The following DAPK1 variants were observed in gnomAD, a reference collection of about 807,000 sequenced individuals.
The protein encoded by DAPK1 is death-associated protein kinase 1.
A neutral mutation model predicts 144.9 loss-of-function variants in DAPK1; 56 were observed. The ratio of observed to expected loss-of-function variants is 0.39; its 90% CI spans 0.31 to 0.48. The LOEUF is 0.48. DAPK1 is among the 20% of genes least tolerant of loss of function. The pLI, the probability that DAPK1 is intolerant of heterozygous loss-of-function variation, is 0.95. For synonymous variants in DAPK1, 690 were observed against 749.0 expected (o/e 0.92, Z 1.29); for missense variants, 1,454 against 1,875.4 (o/e 0.78, Z 4.15).
chr9:87,602,914 C>T (rs1033956619), intron 2 of DAPK1, among the ~76,000 whole-genome samples: 4 of 148,072 alleles, frequency 2.7e-5, no homozygotes, highest in Non-Finnish European at 5.9e-5. Flanking sequence ...CTTTCTCTGT[C>T]TCTCTGTTTC....
In DAPK1 at chr9:87,525,237, G is replaced by T. The variant is rs181597182; in HGVS notation, c.62+26098G>T. The T allele has an allele frequency of 4.3e-5, 51 of 1,172,850 alleles. No homozygotes were observed. In the African/African-American group the frequency reaches 6.6e-4, roughly 15 times the overall value. The allele number at this position is 1,172,850 out of a possible 1,614,324, so 72.7% of individuals were successfully genotyped here. ...TGTTTTTCACCCTACCCAATGCAGT[G>T]CTTACCTAAAAAATGCGTTGAATAG... On this transcript the variant is annotated intron_variant, in intron 2 of 25. Transcript: ENST00000408954.
At chr9:87,626,129 G>A (rs1301533029) in intron 3 of DAPK1, among the ~76,000 whole-genome samples, 1 of 152,164 alleles carries the variant, frequency 6.6e-6, no homozygotes, top group Non-Finnish European at 1.5e-5. Flanking sequence ...ATAATACCAA[G>A]CAAGGGCCAT....
At chr9:87,600,797 ATCG>A (rs1383495109) in intron 2 of DAPK1, among the ~76,000 whole-genome samples, 4 of 151,772 alleles carry the variant, frequency 2.6e-5, no homozygotes, top group African/African-American at 9.7e-5. Flanking sequence ...AGCCATCCGT[ATCG>A]TTGTTAATTA....
intron 2 of DAPK1, among the ~76,000 whole-genome samples, chr9:87,537,747 A>G (rs1017220613): frequency 1.3e-5 from 2 of 152,208 alleles, no homozygotes; most frequent in African/African-American, 4.8e-5. Context: ...TTCTGGAAGC[A>G]GCAGATGGTG....
intron 21 of DAPK1, among the ~76,000 whole-genome samples, chr9:87,693,967 G>C (rs942734798): frequency 6.6e-6 from 1 of 152,136 alleles, no homozygotes; most frequent in African/African-American, 2.4e-5. Context: ...GTGGTGGGCT[G>C]AGCATGCCTG....
At chr9:87,634,514 G>A (rs1374195299) in intron 3 of DAPK1, among the ~76,000 whole-genome samples, 6 of 152,172 alleles carry the variant, frequency 3.9e-5, no homozygotes, top group Admixed American at 2.0e-4. Flanking sequence ...GCCACAGCAG[G>A]GCTGGCAAAA....
rs144215527 is a variant in DAPK1, at chr9:87,610,689, G to T, written c.284+5514G>T. Among the ~76,000 whole-genome samples the T allele has an allele frequency of 2.1e-3, 322 of 152,340 alleles. 3 individuals are homozygous for T. The highest frequency in any genetic ancestry group is 0.014 in the Middle Eastern group (4 of 294). On this transcript the variant is annotated intron_variant, in intron 3 of 25. Transcript: ENST00000408954. ...GATGGTTGGCCTCCATGAAGCCTCA[G>T]TGTCAGGGATGCACCAGCCGTGGAG...
intron 3 of DAPK1, among the ~76,000 whole-genome samples, chr9:87,636,812 G>A (rs926591450): frequency 1.3e-5 from 2 of 152,200 alleles, no homozygotes; most frequent in African/African-American, 4.8e-5. Context: ...GGTTAAACTT[G>A]ATAAAGATTA....
At chr9:87,569,355 G>C (rs34006274) in intron 2 of DAPK1, among the ~76,000 whole-genome samples, 1 of 152,088 alleles carries the variant, frequency 6.6e-6, no homozygotes. Context: ...CAGAGTTCAC[G>C]GGGGAGCCCA....
In DAPK1 at chr9:87,707,588, T is replaced by A. The variant is rs1466623350; in HGVS notation, c.*224T>A. The A allele has an allele frequency of 1.9e-5, 11 of 574,548 alleles. No individual in the cohort carries two copies. The East Asian group carries it at 3.2e-4, about 17-fold the overall frequency. 35.6% of individuals were successfully genotyped at this position (574,548 alleles called of 1,614,324 possible). A position where few individuals can be genotyped will look rare whatever the true frequency, so the allele number is the denominator to read the frequency against. ...TTGCAGTTTAAGAGCAGAACAGATC[T>A]TTTACTTTGGCCGCTTGAAAAGCTA... On this transcript the variant is annotated 3_prime_UTR_variant, in exon 26 of 26. Transcript: ENST00000408954. This position sits in a 1 kb window ranked among gnomAD's most constrained non-coding sequence, Gnocchi z 4.0.
At chr9:87,619,025 T>C (rs968705177) in intron 3 of DAPK1, among the ~76,000 whole-genome samples, 2 of 152,078 alleles carry the variant, frequency 1.3e-5, no homozygotes, top group African/African-American at 4.8e-5. Flanking sequence ...CCCCTCCCCA[T>C]ATTCATCCAT....
chr9:87,604,343 A>G (rs7859807), intron 2 of DAPK1, among the ~76,000 whole-genome samples: 82,953 of 151,992 alleles, frequency 0.55, 25,452 homozygotes, highest in African/African-American at 0.83. Flanking sequence ...GGCTTCCCCA[A>G]AACCACAAAG....
chr9:87,663,345 C>T (rs1006380472), intron 18 of DAPK1, among the ~76,000 whole-genome samples: 1 of 152,136 alleles, frequency 6.6e-6, no homozygotes, highest in East Asian at 1.9e-4. Flanking sequence ...TTGAATTCCA[C>T]GCAGGTCAAG....
chr9:87,563,319 A>G (rs1826999104), intron 2 of DAPK1, among the ~76,000 whole-genome samples: 1 of 152,200 alleles, frequency 6.6e-6, no homozygotes, highest in South Asian at 2.1e-4. Flanking sequence ...GATGAATATG[A>G]TTTTTAAGCT....
At chr9:87,530,928 A>G (rs1825676506) in intron 2 of DAPK1, among the ~76,000 whole-genome samples, 1 of 152,110 alleles carries the variant, frequency 6.6e-6, no homozygotes, top group Non-Finnish European at 1.5e-5. Context: ...GATTTTAAGT[A>G]ACTTCCTTTC....
chr9:87,562,065 C>A (rs193036849), intron 2 of DAPK1, among the ~76,000 whole-genome samples: 4 of 152,170 alleles, frequency 2.6e-5, no homozygotes, highest in African/African-American at 9.7e-5. Context: ...AGAGATGCAT[C>A]GCTGCCCTGA....
At chr9:87,638,252 G>C (rs958990649) in intron 4 of DAPK1, among the ~76,000 whole-genome samples, 171 bp downstream of exon 4, 1 of 152,176 alleles carries the variant, frequency 6.6e-6, no homozygotes, top group African/African-American at 2.4e-5. Flanking sequence ...GCCCCCCACT[G>C]GGATGGCTAA....
intron 18 of DAPK1, among the ~76,000 whole-genome samples, chr9:87,661,162 G>C (rs1196604987): frequency 6.6e-6 from 1 of 152,180 alleles, no homozygotes; most frequent in Non-Finnish European, 1.5e-5. Flanking sequence ...TAATGGCCAA[G>C]TAGTATTCCA....
chr9:87,627,716 T>C (rs927978891), intron 3 of DAPK1, among the ~76,000 whole-genome samples: 1 of 152,072 alleles, frequency 6.6e-6, no homozygotes, highest in African/African-American at 2.4e-5. Flanking sequence ...ACCACAGGAG[T>C]GTGGGCCTTA....
Sources: gnomAD v4.1 joint callset for allele counts (sites outside exome capture counted in the v4.1 genomes callset) on GRCh38, gnomAD v4.1.1 for gene constraint, Gnocchi (gnomAD v3.1) non-coding constraint, MANE v1.5 for transcripts, NCBI Gene and HGNC (gene_info 2026-07-23, HGNC 2026-07-21) for gene names.